FSTL4: variants seen among roughly 807,000 people sequenced by gnomAD.
The protein encoded by FSTL4 is follistatin-related protein 4.
A neutral mutation model predicts 78.2 loss-of-function variants in FSTL4; 28 were observed. The ratio of observed to expected loss-of-function variants is 0.36; its 90% CI spans 0.27 to 0.49. The LOEUF is 0.49. Ranked by LOEUF, FSTL4 falls within the 20% of genes least tolerant of loss-of-function variation. FSTL4 has a pLI of 0.98. For synonymous variants in FSTL4, 422 were observed against 440.5 expected, an observed-to-expected ratio of 0.96 and a Z score of 0.53; for missense variants, 922 against 1,084.9, an observed-to-expected ratio of 0.85 and a Z score of 2.11.
chr5:133,698,432 C>T, the FSTL4 span, among the ~76,000 whole-genome samples: 1 of 152,226 alleles, frequency 6.6e-6, no homozygotes. Flanking sequence ...TGCCACTTAT[C>T]AGCCAGGTGA....
In FSTL4 at chr5:133,198,793, C is replaced by G. The variant is rs894698075; in HGVS notation, c.*302G>C. The stretch of plus-strand genomic sequence containing the variant: ...AGGTGTCTGCTTGGAGAGCAGGATC[C>G]CTTGGTTCCATGATGTCCCCAGGTC... On this transcript the variant is annotated 3_prime_UTR_variant, in exon 16 of 16. Transcript: ENST00000265342. The G allele has an allele frequency of 7.9e-6, 2 of 252,656 alleles. No homozygotes were observed. Among genetic ancestry groups the G allele is most frequent in the Admixed American group, 1.0e-4 (2 of 19,776 alleles). 15.7% of individuals were successfully genotyped at this position (252,656 alleles called of 1,614,324 possible).
chr5:133,795,409 G>T, the FSTL4 span, among the ~76,000 whole-genome samples: 2 of 152,218 alleles, frequency 1.3e-5, no homozygotes, highest in Non-Finnish European at 2.9e-5. Flanking sequence ...CCACAAGGCT[G>T]TTAGCATGAG....
chr5:133,597,626 C>T (rs1034072041), intron 2 of FSTL4, among the ~76,000 whole-genome samples: 1 of 152,194 alleles, frequency 6.6e-6, no homozygotes, highest in African/African-American at 2.4e-5. Context: ...CAACTATGAT[C>T]TCAAAATACC....
intron 3 of FSTL4, among the ~76,000 whole-genome samples, chr5:133,551,801 T>C (rs1306025865): frequency 6.6e-6 from 1 of 152,192 alleles, no homozygotes; most frequent in African/African-American, 2.4e-5. Context: ...TGTAACAAAA[T>C]ATCAGTTGGA....
In FSTL4 at chr5:133,225,438, CT is replaced by C. The variant is rs1751298433; in HGVS notation, c.1178-155del. Among the ~76,000 whole-genome samples, 1 of 152,144 alleles carries C rather than the reference CT, an allele frequency of 6.6e-6. No homozygotes were observed. Among genetic ancestry groups the C allele is most frequent in the South Asian group, 2.1e-4 (1 of 4,828 alleles). On this transcript the variant is annotated intron_variant, in intron 9 of 15. Transcript: ENST00000265342. The surrounding 1 kb of genome is among the most constrained non-coding windows in gnomAD (Gnocchi z 4.6). ...GAAGGGCTGGCACATCTGAAATGCA[CT>C]GAGGGTGAGCTGGACCTGAGTGACA...
chr5:133,578,602 C>T (rs1051150988), intron 2 of FSTL4, among the ~76,000 whole-genome samples: 3 of 152,146 alleles, frequency 2.0e-5, no homozygotes, highest in African/African-American at 7.2e-5. Flanking sequence ...TGCCCATCTT[C>T]AGAAATTAAG....
chr5:133,508,880 G>A (rs1300730744), intron 3 of FSTL4, among the ~76,000 whole-genome samples: 4 of 152,160 alleles, frequency 2.6e-5, no homozygotes, highest in Non-Finnish European at 5.9e-5. Context: ...GTCTTGTTGG[G>A]CCTTTCATCT....
chr5:133,282,821 G>A (rs1467218878), intron 6 of FSTL4, among the ~76,000 whole-genome samples: 2 of 152,194 alleles, frequency 1.3e-5, no homozygotes, highest in Non-Finnish European at 2.9e-5. Context: ...CTGAACTACC[G>A]CTCTGAAAGG....
the FSTL4 span, among the ~76,000 whole-genome samples, chr5:133,700,398 C>A: frequency 2.0e-5 from 3 of 151,746 alleles, no homozygotes; most frequent in Non-Finnish European, 4.4e-5. Context: ...CCACACCAAA[C>A]CATCAGACCA....
intron 6 of FSTL4, among the ~76,000 whole-genome samples, chr5:133,281,580 C>A (rs1168074488): frequency 6.6e-6 from 1 of 152,046 alleles, no homozygotes; most frequent in Non-Finnish European, 1.5e-5. Context: ...GGCCAGGACT[C>A]TTCTATGATT....
chr5:133,675,894 C>T, the FSTL4 span, among the ~76,000 whole-genome samples: 7 of 152,108 alleles, frequency 4.6e-5, no homozygotes, highest in Non-Finnish European at 1.0e-4. Context: ...CCTTGGTCTC[C>T]GGGCCTGGCA....
intron 7 of FSTL4, among the ~76,000 whole-genome samples, chr5:133,240,604 T>G (rs1235531684): frequency 1.3e-5 from 2 of 152,158 alleles, no homozygotes; most frequent in Non-Finnish European, 2.9e-5. Context: ...TTGGGTGTCC[T>G]CTGGTGTGTG....
At chr5:133,718,230 C>T in the FSTL4 span, among the ~76,000 whole-genome samples, 7 of 152,120 alleles carry the variant, frequency 4.6e-5, no homozygotes, top group Non-Finnish European at 8.8e-5. Flanking sequence ...GTGGTGTGTG[C>T]CACCATGCCC....
intron 3 of FSTL4, among the ~76,000 whole-genome samples, chr5:133,464,095 G>A (rs905913231): frequency 5.9e-5 from 9 of 152,206 alleles, no homozygotes; most frequent in Admixed American, 2.6e-4. Context: ...ACCGTCTCAC[G>A]TCTCAAGGTG....
intron 3 of FSTL4, among the ~76,000 whole-genome samples, chr5:133,526,133 A>G (rs1759093738): frequency 6.6e-6 from 1 of 152,196 alleles, no homozygotes; most frequent in African/African-American, 2.4e-5. Flanking sequence ...ACAATGAGAC[A>G]TTGATACTTA....
chr5:133,730,441 G>A, the FSTL4 span, among the ~76,000 whole-genome samples: 1 of 152,210 alleles, frequency 6.6e-6, no homozygotes, highest in Non-Finnish European at 1.5e-5. Context: ...GTGTGATCCT[G>A]TCAGCACATT....
At chr5:133,541,617 T>C (rs536080434) in intron 3 of FSTL4, among the ~76,000 whole-genome samples, 12 of 152,268 alleles carry the variant, frequency 7.9e-5, no homozygotes, top group Non-Finnish European at 1.6e-4. Context: ...AAACATACAA[T>C]ATGCCACAAA....
chr5:133,772,223 T>C, the FSTL4 span, among the ~76,000 whole-genome samples: 7 of 152,338 alleles, frequency 4.6e-5, no homozygotes, highest in East Asian at 9.6e-4. Context: ...TTTCCATTTG[T>C]TGGAAATAAA....
At chr5:133,364,416 C>T (rs377289549) in intron 4 of FSTL4, among the ~76,000 whole-genome samples, 8 of 152,196 alleles carry the variant, frequency 5.3e-5, no homozygotes, top group Non-Finnish European at 8.8e-5. Flanking sequence ...AGCAGGCCAC[C>T]GCAAAGGAGG....
Sources: gnomAD v4.1 joint callset for allele counts (sites outside exome capture counted in the v4.1 genomes callset) on GRCh38, gnomAD v4.1.1 for gene constraint, Gnocchi (gnomAD v3.1) non-coding constraint, MANE v1.5 for transcripts, NCBI Gene and HGNC (gene_info 2026-07-23, HGNC 2026-07-21) for gene names.